Variants in MLIP observed in about 807,000 individuals in gnomAD.
MLIP encodes muscular LMNA interacting protein, also known as muscular LMNA-interacting protein.
In MLIP, 79 loss-of-function variants were observed where a neutral mutation model predicts 84.8. The ratio of observed to expected loss-of-function variants is 0.93; its 90% confidence interval spans 0.78 to 1.12. The LOEUF is 1.12. MLIP is among the 50% of genes most tolerant of loss of function. The probability of loss-of-function intolerance (pLI) is 0.00; values close to 1 mark genes in which losing one functional copy is unlikely to be tolerated. For synonymous variants in MLIP, 504 were observed against 463.0 expected (o/e 1.09, Z -1.14); for missense variants, 1,257 against 1,160.6 (o/e 1.08, Z -1.21).
chr6:54,044,197 G>T (rs1011939987), intron 1 of MLIP, among the ~76,000 whole-genome samples: 4 of 152,306 alleles, frequency 2.6e-5, no homozygotes, highest in Admixed American at 1.3e-4. Context: ...TTTGACAAAT[G>T]TGCCAATTAC....
intron 9 of MLIP, among the ~76,000 whole-genome samples, chr6:54,181,502 T>A (rs1421375697): frequency 6.6e-6 from 1 of 152,202 alleles, no homozygotes; most frequent in Admixed American, 6.5e-5. Flanking sequence ...TGTTTGTTGC[T>A]CTACCTCCCT....
chr6:54,081,638 C>G (rs1438898848), intron 1 of MLIP, among the ~76,000 whole-genome samples: 1 of 152,110 alleles, frequency 6.6e-6, no homozygotes, highest in East Asian at 1.9e-4. Flanking sequence ...GTCTTAAACT[C>G]CTGACCTCAG....
chr6:54,120,069 TTGAC>T (rs989663145), intron 1 of MLIP, among the ~76,000 whole-genome samples: 37 of 152,338 alleles, frequency 2.4e-4, no homozygotes, highest in African/African-American at 8.2e-4. Flanking sequence ...AAGCACCCTG[TTGAC>T]TCTAATTTGC....
At chr6:54,199,733 G>A (rs533932108) in intron 10 of MLIP, among the ~76,000 whole-genome samples, 1 of 152,214 alleles carries the variant, frequency 6.6e-6, no homozygotes, top group South Asian at 2.1e-4. Context: ...ATGTGTAGTC[G>A]TCTTTTGCCT....
At chr6:54,241,598 T>A (rs569648433) in intron 12 of MLIP, among the ~76,000 whole-genome samples, 4 of 152,284 alleles carry the variant, frequency 2.6e-5, no homozygotes, top group Middle Eastern at 3.4e-3. Context: ...TTTCCTTTTT[T>A]AAAAAATTAA....
intron 1 of MLIP, among the ~76,000 whole-genome samples, chr6:54,075,040 G>C (rs1306916828): frequency 6.6e-6 from 1 of 151,932 alleles, no homozygotes; most frequent in African/African-American, 2.4e-5. Context: ...TTGAGGTCGG[G>C]AGTTCAAGAC....
intron 3 of MLIP, among the ~76,000 whole-genome samples, chr6:54,129,628 A>C (rs538557137): frequency 1.0e-3 from 152 of 152,334 alleles, no homozygotes; most frequent in African/African-American, 3.4e-3. Context: ...TTAGAGGTTG[A>C]AAACCTTGAA....
chr6:54,138,121 C>T lies in MLIP; in HGVS notation c.2052C>T (p.Gly684=), dbSNP rs1374859188. The T allele has an allele frequency of 6.5e-7, 1 of 1,536,000 alleles. No homozygotes were observed. Among genetic ancestry groups the T allele is most frequent in the African/African-American group, 1.4e-5 (1 of 73,022 alleles). ...CCTCAGCTCTGCACCCACATTGCGG[C>T]AGTGGTACCTTGCCTTCAAGACTTG... is the stretch of plus-strand genomic sequence containing the variant. ...LSPSALHPHC[G]SGTLPSRLGK... is the part of the protein sequence containing the mutation. Residue 684 remains glycine, a synonymous_variant, in exon 4 of 14, where the codon GGC becomes GGT. Coordinates refer to ENST00000502396, the MANE Select transcript of MLIP (RefSeq NM_001281747.2).
chr6:54,157,419 G>T (rs1407711637), intron 5 of MLIP, among the ~76,000 whole-genome samples: 1 of 152,018 alleles, frequency 6.6e-6, no homozygotes. Context: ...CAACTGACCA[G>T]GTGGAATTCC....
upstream of MLIP, among the ~76,000 whole-genome samples, chr6:54,107,592 A>C (rs1769111018): frequency 6.6e-6 from 1 of 152,214 alleles, no homozygotes; most frequent in South Asian, 2.1e-4. Flanking sequence ...CTAGGAGTGC[A>C]GGAGCTAAGA....
chr6:54,195,259 T>C (rs1426391870), intron 10 of MLIP, among the ~76,000 whole-genome samples: 2 of 152,140 alleles, frequency 1.3e-5, no homozygotes, highest in African/African-American at 4.8e-5. Flanking sequence ...TGTTGTTTTG[T>C]CACTTTCTTG....
chr6:54,070,736 G>GT (rs1363784593), intron 1 of MLIP, among the ~76,000 whole-genome samples: 2 of 151,926 alleles, frequency 1.3e-5, no homozygotes, highest in Non-Finnish European at 2.9e-5. Context: ...TTAGCATATT[G>GT]TTTTTTTATG....
At chr6:54,170,207 A>G (rs890764153) in intron 9 of MLIP, among the ~76,000 whole-genome samples, 1 of 151,724 alleles carries the variant, frequency 6.6e-6, no homozygotes, top group Admixed American at 6.6e-5. Context: ...GACCAAACGT[A>G]TTCTAGTAGA....
chr6:54,019,737 T>C (rs540084407), intron 1 of MLIP, among the ~76,000 whole-genome samples: 14 of 152,072 alleles, frequency 9.2e-5, no homozygotes, highest in African/African-American at 3.4e-4. Flanking sequence ...AGAGTTAACA[T>C]TGGAACAGGT....
At position 54,121,567 on chromosome 6, in the gene MLIP, G is replaced by T. The variant is rs1770457364; in HGVS notation, c.217G>T (p.Glu73Ter). Residue 73 changes from glutamate (E) to a stop codon, truncating the protein, a stop_gained, in exon 2 of 14, where the codon GAA (glutamate) becomes TAA (stop). Coordinates refer to ENST00000502396, the MANE Select transcript of MLIP (RefSeq NM_001281747.2). LOFTEE classifies it high-confidence loss of function. ...TAAATTCCTTGTTAAAATTCCAGAA[G>T]AATCAAGTGATAAGAGTCCAGAAAC... is the stretch of plus-strand genomic sequence containing the variant. ...TSKFLVKIPE[E>*]SSDKSPETVN... 12 of 1,613,438 alleles carry T rather than the reference G, an allele frequency of 7.4e-6. No individual in the cohort carries two copies. Among genetic ancestry groups the T allele is most frequent in the Non-Finnish European group, 1.0e-5 (12 of 1,179,590 alleles).
upstream of MLIP, among the ~76,000 whole-genome samples, chr6:54,110,006 G>A (rs28460442): frequency 0.33 from 32,042 of 98,554 alleles, 4,908 homozygotes; most frequent in Middle Eastern, 0.47. Flanking sequence ...TTTTTTTGAC[G>A]GAGTCTCGCT....
chr6:54,182,153 A>G (rs1442225102), intron 9 of MLIP, among the ~76,000 whole-genome samples: 1 of 152,160 alleles, frequency 6.6e-6, no homozygotes, highest in Non-Finnish European at 1.5e-5. Context: ...ACTTTTGCCT[A>G]TGGTGGTGAG....
intron 12 of MLIP, among the ~76,000 whole-genome samples, chr6:54,241,295 GGAGA>G (rs1781720091): frequency 6.6e-6 from 1 of 150,518 alleles, no homozygotes; most frequent in Non-Finnish European, 1.5e-5. Flanking sequence ...AAATATATAT[GGAGA>G]GAGTGTATGT....
intron 12 of MLIP, among the ~76,000 whole-genome samples, chr6:54,243,551 C>A (rs1424730406): frequency 6.6e-6 from 1 of 152,088 alleles, no homozygotes; most frequent in Non-Finnish European, 1.5e-5. Context: ...TCACATGCAG[C>A]ATTTTATTTA....
Sources: gnomAD v4.1 joint callset for allele counts (sites outside exome capture counted in the v4.1 genomes callset) on GRCh38, gnomAD v4.1.1 for gene constraint, MANE v1.5 for transcripts, NCBI Gene and HGNC (gene_info 2026-07-23, HGNC 2026-07-21) for gene names.